The following F2 variants were observed in gnomAD, a reference collection of about 807,000 sequenced individuals.
F2 encodes the protein coagulation factor II, thrombin, also known as prothrombin.
A neutral mutation model predicts 81.9 loss-of-function variants in F2; 34 were observed. That is an observed-to-expected ratio of 0.42 (90% CI 0.32 to 0.55). The LOEUF (loss-of-function observed/expected upper bound fraction) is 0.55, where lower values mean the gene tolerates loss of function less well. Among genes scored for constraint, F2 ranks in the 20% least tolerant of loss-of-function variants. The pLI is 0.18. For synonymous variants in F2, 296 were observed against 326.4 expected (o/e 0.91, Z 1.01); for missense variants, 630 against 833.4 (o/e 0.76, Z 3.00).
Position 46,726,853 on chromosome 11 carries a change from C to T in F2, c.1130+16C>T. Reference sequence around the variant, plus strand: ...TGTCACCTTGGTGTGTCCTGGAGCCCTGCGCTACCATTCACTCCTGGGGGC... The same window carrying T: ...TGTCACCTTGGTGTGTCCTGGAGCCTTGCGCTACCATTCACTCCTGGGGGC... On this transcript the variant is annotated intron_variant, in intron 9 of 13. Transcript: ENST00000311907. This position sits in a 1 kb window ranked among gnomAD's most constrained non-coding sequence, Gnocchi z 5.9. 2 of 1,613,740 alleles carry T rather than the reference C, an allele frequency of 1.2e-6. No individual in the cohort carries two copies. The highest frequency in any genetic ancestry group is 1.7e-6 in the Non-Finnish European group (2 of 1,179,746).
rs1413008712 is a variant in F2, at chr11:46,719,892, G to C, written c.240+30G>C. On this transcript the variant is annotated intron_variant, in intron 2 of 13. Coordinates refer to ENST00000311907, the MANE Select transcript of F2 (RefSeq NM_000506.5). This position sits in a 1 kb window ranked among gnomAD's most constrained non-coding sequence, Gnocchi z 4.7. ...GCCTGGGCTGCTCGGACGGTGCCGG[G>C]GCCTCAGACCGGGCCCAACTCTAGA... 3 of 1,549,906 alleles carry C rather than the reference G, an allele frequency of 1.9e-6. No individual in the cohort carries two copies. The highest frequency in any genetic ancestry group is 1.4e-5 in the African/African-American group (1 of 73,250).
Position 46,719,777 on chromosome 11 carries a change from G to A in F2, c.155G>A (p.Arg52His), listed in dbSNP as rs781026103. 10 of 1,597,452 alleles carry A rather than the reference G, an allele frequency of 6.3e-6. No homozygotes were observed. The highest frequency in any genetic ancestry group is 2.7e-5 in the African/African-American group (2 of 74,722). ...RRANTFLEEV[R>H]KGNLERECVE... Reference sequence around the variant, plus strand: ...GCCAACACCTTCTTGGAGGAGGTGCGCAAGGGCAACCTGGAGCGAGAGTGC... The same window carrying A: ...GCCAACACCTTCTTGGAGGAGGTGCACAAGGGCAACCTGGAGCGAGAGTGC... The change falls in exon 2 of 14, where the codon CGC (arginine) becomes CAC (histidine). Residue 52 changes from arginine to histidine, a missense_variant. By Grantham distance (29) the Arg-to-His change is conservative. Coordinates refer to ENST00000311907, the MANE Select transcript of F2 (RefSeq NM_000506.5). The surrounding 1 kb of genome is among the most constrained non-coding windows in gnomAD (Gnocchi z 4.7).
Position 46,728,522 on chromosome 11 carries a change from G to A in F2, c.1299-142G>A, listed in dbSNP as rs2134535597. 1.1e-6 allele frequency: 1 copy of A among 921,054 alleles called. No homozygotes were observed. The highest frequency in any genetic ancestry group is 1.7e-6 in the Non-Finnish European group (1 of 590,022). 57.1% of individuals were successfully genotyped at this position (921,054 alleles called of 1,614,324 possible). A position where few individuals can be genotyped will look rare whatever the true frequency, so the allele number is the denominator to read the frequency against. Reference sequence around the variant, plus strand: ...AGGCCCAGGAAGAAACACCCAGGGGGCTGCCATGGCAGGAACCAGCCCTAT... The same window carrying A: ...AGGCCCAGGAAGAAACACCCAGGGGACTGCCATGGCAGGAACCAGCCCTAT... On this transcript the variant is annotated intron_variant, in intron 10 of 13. Coordinates refer to ENST00000311907, the MANE Select transcript of F2 (RefSeq NM_000506.5). The surrounding 1 kb of genome is among the most constrained non-coding windows in gnomAD (Gnocchi z 5.1).
chr11:46,729,922 G>A lies in F2; in HGVS notation c.1654+361G>A, dbSNP rs569202095. Among the ~76,000 whole-genome samples, 5 of 149,742 alleles carry A rather than the reference G, an allele frequency of 3.3e-5. No homozygotes were observed. The South Asian group carries it at 6.3e-4, about 19-fold the overall frequency. On this transcript the variant is annotated intron_variant, in intron 12 of 13. Transcript: ENST00000311907. ...GCAGGGACCCAGACGGACAATGTCTGTGCCCTCAGAGAGCTTCCTTCCTAG... is the reference window on the plus strand; with the variant it reads ...GCAGGGACCCAGACGGACAATGTCTATGCCCTCAGAGAGCTTCCTTCCTAG...
chr11:46,738,673 C>T (rs2064959169), intron 12 of F2, among the ~76,000 whole-genome samples: 1 of 152,098 alleles, frequency 6.6e-6, no homozygotes, highest in Admixed American at 6.6e-5. Flanking sequence ...GCCATATTGC[C>T]CAGGCTGGTC....
chr11:46,726,069 T>C lies in F2; in HGVS notation c.770T>C (p.Leu257Pro). The change falls in exon 7 of 14, where the codon CTG (leucine) becomes CCG (proline). Residue 257 changes from leucine (L) to proline (P), a missense_variant. Transcript: ENST00000311907. The surrounding 1 kb of genome is among the most constrained non-coding windows in gnomAD (Gnocchi z 5.9). ...CAGGACTTCAACTCAGCTGTGCAGC[T>C]GGTGGAGAACTTCTGCCGCAACCCA... is the stretch of plus-strand genomic sequence containing the variant. Reference protein sequence around the residue: ...KHQDFNSAVQLVENFCRNPDG... With the variant: ...KHQDFNSAVQPVENFCRNPDG... 6.2e-7 allele frequency: 1 copy of C among 1,614,156 alleles called. No individual in the cohort carries two copies.
intron 12 of F2, among the ~76,000 whole-genome samples, chr11:46,736,586 C>T (rs1195722387): frequency 1.3e-5 from 2 of 152,190 alleles, no homozygotes; most frequent in Non-Finnish European, 2.9e-5. Flanking sequence ...GCATGAGCCA[C>T]GGTGCCCAGC....
chr11:46,720,300 C>G (rs890079296), intron 2 of F2: 1 of 612,170 alleles, frequency 1.6e-6, no homozygotes, highest in African/African-American at 1.8e-5. Context: ...TCCCATCTCC[C>G]CCAGCCTCTT....
rs182328727 is a variant in F2 at position 46,723,136 on chromosome 11, T to A, written c.317-44T>A. ...GACAACTTTGCAGGGAGAGAGGAAA[T>A]AAGTCCCCAGGCTCCAAGGCTGACC... is the stretch of plus-strand genomic sequence containing the variant. On this transcript the variant is annotated intron_variant, in intron 4 of 13. Transcript: ENST00000311907. This position sits in a 1 kb window ranked among gnomAD's most constrained non-coding sequence, Gnocchi z 5.6. 6.4e-6 allele frequency: 10 copies of A among 1,565,322 alleles called. No individual in the cohort carries two copies. The African/African-American group carries it at 1.2e-4, about 19-fold the overall frequency.
At chr11:46,720,884 G>T (rs1256542802) in intron 4 of F2, 44 bp downstream of exon 4, 9 of 1,611,688 alleles carry the variant, frequency 5.6e-6, no homozygotes, top group Middle Eastern at 3.3e-4. Context: ...ATGGAGGGGA[G>T]CCTGGGAGAA....
chr11:46,725,602 G>A (rs1387192038), intron 6 of F2, among the ~76,000 whole-genome samples: 1 of 152,142 alleles, frequency 6.6e-6, no homozygotes. Flanking sequence ...GATGGCCTAG[G>A]AGGCCAAACC....
chr11:46,729,580 G>C lies in F2; in HGVS notation c.1654+19G>C. 1 of 1,604,944 alleles carries C rather than the reference G, an allele frequency of 6.2e-7. No individual in the cohort carries two copies. Among genetic ancestry groups the C allele is most frequent in the South Asian group, 1.1e-5 (1 of 90,728 alleles). On this transcript the variant is annotated intron_variant, in intron 12 of 13. Transcript: ENST00000311907. The stretch of plus-strand genomic sequence containing the variant: ...TGTGCTGGCAAGTCTGTGCAGGGCG[G>C]GCTGAGGGAACAGTGGGGCCCAAGC...
chr11:46,729,700 G>A, intron 12 of F2, 139 bp downstream of exon 12: 1 of 911,356 alleles, frequency 1.1e-6, no homozygotes, highest in Admixed American at 2.6e-5. Context: ...GTAAAATGGA[G>A]GTAAAAGTCT....
At chr11:46,724,315 T>C (rs1469854460) in intron 6 of F2, among the ~76,000 whole-genome samples, 1 of 152,198 alleles carries the variant, frequency 6.6e-6, no homozygotes, top group East Asian at 1.9e-4. Flanking sequence ...CTAATGCGTC[T>C]GTAGGGTCAA....
intron 12 of F2, among the ~76,000 whole-genome samples, chr11:46,732,872 T>G (rs2064921993): frequency 6.6e-6 from 1 of 152,170 alleles, no homozygotes; most frequent in South Asian, 2.1e-4. Flanking sequence ...CTTTCCTTAC[T>G]GTAGTGTTGG....
chr11:46,738,219 T>G (rs2064956424), intron 12 of F2, among the ~76,000 whole-genome samples: 1 of 152,128 alleles, frequency 6.6e-6, no homozygotes, highest in Admixed American at 6.6e-5. Flanking sequence ...CAGGCTGGTC[T>G]TAAACTCCTG....
Position 46,735,769 on chromosome 11 carries a change from A to C in F2, c.1655-3279A>C, listed in dbSNP as rs3136492. On this transcript the variant is annotated intron_variant, in intron 12 of 13. Coordinates refer to ENST00000311907, the MANE Select transcript of F2 (RefSeq NM_000506.5). ...AAAACCCTGTCTCTGCTAAAAATAC[A>C]AAATTAGCCAGACATGGAGGCACAT... Among the ~76,000 whole-genome samples the C allele has an allele frequency of 6.3e-3, 955 of 152,036 alleles. 13 individuals carry two copies. Among genetic ancestry groups the C allele is most frequent in the African/African-American group, 0.022 (911 of 41,470 alleles).
chr11:46,723,227 A>G lies in F2; in HGVS notation c.364A>G (p.Ile122Val). The part of the protein sequence containing the change: ...LGTNYRGHVN[I>V]TRSGIECQLW... Reference sequence around the variant, plus strand: ...TACGAACTACCGAGGGCATGTGAACATCACCCGGTCAGGCATTGAGTGCCA... The same window carrying G: ...TACGAACTACCGAGGGCATGTGAACGTCACCCGGTCAGGCATTGAGTGCCA... Residue 122 changes from isoleucine (I) to valine (V), a missense_variant, in exon 5 of 14, where the codon ATC (isoleucine) becomes GTC (valine). Transcript: ENST00000311907. This position sits in a 1 kb window ranked among gnomAD's most constrained non-coding sequence, Gnocchi z 5.6. 1 of 1,614,044 alleles carries G rather than the reference A, an allele frequency of 6.2e-7. No individual in the cohort carries two copies. The highest frequency in any genetic ancestry group is 8.5e-7 in the Non-Finnish European group (1 of 1,180,000).
chr11:46,720,806 G>T lies in F2; in HGVS notation c.282G>T (p.Arg94Ser). Reference protein sequence around the residue: ...WAKYTACETARTPRDKLAACL... With the variant: ...WAKYTACETASTPRDKLAACL... The stretch of plus-strand genomic sequence containing the variant: ...CTTTTCCAGCTTGTGAGACAGCGAG[G>T]ACGCCTCGAGATAAGCTTGCTGCAT... Residue 94 changes from arginine (R) to serine (S), a missense_variant, in exon 4 of 14, where the codon AGG (arginine) becomes AGT (serine). Coordinates refer to ENST00000311907, the MANE Select transcript of F2 (RefSeq NM_000506.5). 2 of 1,614,104 alleles carry T rather than the reference G, an allele frequency of 1.2e-6. No homozygotes were observed. Among genetic ancestry groups the T allele is most frequent in the Non-Finnish European group, 1.7e-6 (2 of 1,180,032 alleles).
Sources: allele counts gnomAD v4.1 joint callset (sites outside exome capture counted in the v4.1 genomes callset), GRCh38; gene constraint gnomAD v4.1.1; non-coding constraint Gnocchi (gnomAD v3.1); transcripts MANE v1.5; gene names NCBI Gene and HGNC (gene_info 2026-07-23, HGNC 2026-07-21).